KPNA1: variants seen among roughly 807,000 people sequenced by gnomAD.
KPNA1 encodes importin subunit alpha-5.
Under a neutral mutation model 70.5 loss-of-function variants are expected in KPNA1, and 10 were observed. The ratio of observed to expected loss-of-function variants is 0.14; its 90% CI spans 0.09 to 0.24. The LOEUF is 0.24. KPNA1 is among the 10% of genes least tolerant of loss of function. The pLI, the probability that KPNA1 is intolerant of heterozygous loss-of-function variation, is 1.00. For missense variants in KPNA1, 397 were observed against 637.9 expected, an observed-to-expected ratio of 0.62 and a Z score of 4.07; for synonymous variants, 192 against 221.9, an observed-to-expected ratio of 0.87 and a Z score of 1.20.
At chr3:122,507,558 T>G (rs1054300965) in intron 1 of KPNA1, among the ~76,000 whole-genome samples, 3 of 152,012 alleles carry the variant, frequency 2.0e-5, no homozygotes, top group African/African-American at 7.2e-5. Context: ...AGAAAAAAAC[T>G]TTCAAAAAGT....
At chr3:122,431,315 A>AC (rs1446148508) in intron 12 of KPNA1, among the ~76,000 whole-genome samples, 1 of 144,608 alleles carries the variant, frequency 6.9e-6, no homozygotes, top group Admixed American at 7.1e-5. Flanking sequence ...ACAGGAGAAC[A>AC]CCAACACGCC....
rs2107710785 is a variant in KPNA1, at chr3:122,425,139, C to T, written c.*1846G>A. ...CCCAGAGCACAGACACTACTACAGA[C>T]TAGATGCGAAGAATGCGTCACACTC... On this transcript the variant is annotated 3_prime_UTR_variant, in exon 14 of 14. Transcript: ENST00000344337. 6.5e-6 allele frequency: 1 copy of T among 152,686 alleles called. No homozygotes were observed. The highest frequency in any genetic ancestry group is 1.9e-4 in the East Asian group (1 of 5,192). The allele number at this position is 152,686 out of a possible 1,614,324, so 9.5% of individuals were successfully genotyped here. A position where few individuals can be genotyped will look rare whatever the true frequency, so the allele number is the denominator to read the frequency against.
At chr3:122,484,476 A>G (rs1339401056) in intron 2 of KPNA1, among the ~76,000 whole-genome samples, 1 of 151,990 alleles carries the variant, frequency 6.6e-6, no homozygotes, top group African/African-American at 2.4e-5. Context: ...GTGAAACCTC[A>G]TCTCTACTAA....
intron 1 of KPNA1, among the ~76,000 whole-genome samples, chr3:122,500,510 C>A (rs2076815546): frequency 6.7e-6 from 1 of 148,878 alleles, no homozygotes; most frequent in Admixed American, 6.7e-5. Flanking sequence ...TTTTTTTTTT[C>A]CCCCAGATAC....
intron 10 of KPNA1, 131 bp from the exon 11 acceptor site, chr3:122,437,426 T>C (rs1175198289): frequency 1.7e-6 from 1 of 599,182 alleles, no homozygotes; most frequent in Admixed American, 3.4e-5. Flanking sequence ...TTTATACAGG[T>C]AAAAAAAAGT....
At chr3:122,500,915 CTCTTT>C (rs2076821604) in intron 1 of KPNA1, among the ~76,000 whole-genome samples, 2 of 151,682 alleles carry the variant, frequency 1.3e-5, no homozygotes, top group South Asian at 4.2e-4. Flanking sequence ...TTTCACTCTA[CTCTTT>C]ATTTGCTTCC....
chr3:122,434,685 G>A (rs1256389954), intron 11 of KPNA1, among the ~76,000 whole-genome samples: 2 of 152,172 alleles, frequency 1.3e-5, no homozygotes, highest in Admixed American at 1.3e-4. Context: ...ACCAAAATAA[G>A]ACTTATAGTT....
At chr3:122,451,868 A>T (rs2076206078) in intron 7 of KPNA1, 108 bp downstream of exon 7, 1 of 780,476 alleles carries the variant, frequency 1.3e-6, no homozygotes, top group African/African-American at 1.8e-5. Context: ...ATTAAAAATA[A>T]CACTAGAAAA....
rs1385536626 is a variant in KPNA1, at chr3:122,433,778, T to A, written c.1133A>T (p.Asp378Val). The change falls in exon 12 of 14, where the codon GAT becomes GTT. Residue 378 changes from aspartate (D) to valine (V), a missense_variant. Physicochemically the swap from Asp to Val is radical, Grantham distance 152 (BLOSUM62 -3). Coordinates refer to ENST00000344337, the MANE Select transcript of KPNA1 (RefSeq NM_002264.4). ...GNRAQIQTVI[D>V]ANIFPALISI... ...AATGAGGGCTGGGAAAATGTTGGCA[T>A]CTATCACAGTCTAAAATTAAAGAAA... The A allele has an allele frequency of 1.9e-6, 3 of 1,591,954 alleles. No individual in the cohort carries two copies. Among genetic ancestry groups the A allele is most frequent in the African/African-American group, 2.7e-5 (2 of 73,340 alleles).
Position 122,426,723 on chromosome 3 carries a change from C to A in KPNA1, c.*262G>T. On this transcript the variant is annotated 3_prime_UTR_variant, in exon 14 of 14. Coordinates refer to ENST00000344337, the MANE Select transcript of KPNA1 (RefSeq NM_002264.4). ...TATTCCCATAACTCTAATGTAAGTGCGGATCTCCAAAGCCTAGGGATTTTT... is the reference window on the plus strand; with the variant it reads ...TATTCCCATAACTCTAATGTAAGTGAGGATCTCCAAAGCCTAGGGATTTTT... 2.8e-6 allele frequency: 1 copy of A among 362,452 alleles called. No individual in the cohort carries two copies. Among genetic ancestry groups the A allele is most frequent in the Non-Finnish European group, 5.0e-6 (1 of 200,994 alleles). The allele number at this position is 362,452 out of a possible 1,614,324, so 22.5% of individuals were successfully genotyped here. A position where few individuals can be genotyped will look rare whatever the true frequency, so the allele number is the denominator to read the frequency against.
At chr3:122,514,375 C>CCCGCCCG (rs2076992208) in intron 1 of KPNA1, 1 of 151,092 alleles carries the variant, frequency 6.6e-6, no homozygotes, top group Non-Finnish European at 1.5e-5. Flanking sequence ...ACCCCCGCCT[C>CCCGCCCG]CCGCCCGCCG....
At chr3:122,495,018 G>A (rs1409973563) in intron 2 of KPNA1, among the ~76,000 whole-genome samples, 1 of 152,078 alleles carries the variant, frequency 6.6e-6, no homozygotes, top group Non-Finnish European at 1.5e-5. Context: ...TTGGGAGGCT[G>A]AGGCAGGCAG....
intron 2 of KPNA1, among the ~76,000 whole-genome samples, chr3:122,478,092 T>TTGGA (rs1383728940): frequency 3.5e-5 from 5 of 144,784 alleles, no homozygotes; most frequent in Admixed American, 3.5e-4. Flanking sequence ...AACCAGGGAG[T>TTGGA]TGGAGGTTGC....
chr3:122,440,436 G>A (rs953072347), intron 10 of KPNA1, among the ~76,000 whole-genome samples: 2 of 152,180 alleles, frequency 1.3e-5, no homozygotes, highest in African/African-American at 4.8e-5. Flanking sequence ...AAAACTCTGA[G>A]CTGAGAGTGG....
intron 1 of KPNA1, among the ~76,000 whole-genome samples, chr3:122,512,881 G>T (rs2076970400): frequency 6.6e-6 from 1 of 152,102 alleles, no homozygotes; most frequent in African/African-American, 2.4e-5. Context: ...CATTTGAACT[G>T]CCTTTACTAT....
chr3:122,436,608 T>C (rs1016287800), intron 11 of KPNA1, among the ~76,000 whole-genome samples: 2 of 152,068 alleles, frequency 1.3e-5, no homozygotes, highest in African/African-American at 4.8e-5. Flanking sequence ...CTGATAACTA[T>C]TTCTTGGGTC....
At chr3:122,491,401 AT>A (rs2076696279) in intron 2 of KPNA1, among the ~76,000 whole-genome samples, 1 of 152,244 alleles carries the variant, frequency 6.6e-6, no homozygotes, top group African/African-American at 2.4e-5. Flanking sequence ...AACAGAAAAT[AT>A]TTTTAAAATG....
Position 122,436,250 on chromosome 3 carries a change from G to C in KPNA1, c.1122+920C>G, listed in dbSNP as rs370025863. Among the ~76,000 whole-genome samples, 11 of 152,316 alleles carry C rather than the reference G, an allele frequency of 7.2e-5. No individual in the cohort carries two copies. The East Asian group carries it at 9.6e-4, about 13-fold the overall frequency. ...GACTGGTTGTCTGTTCTCAAACCCT[G>C]TCTCCTGATAAGATGTTATCGATGA... On this transcript the variant is annotated intron_variant, in intron 11 of 13. Coordinates refer to ENST00000344337, the MANE Select transcript of KPNA1 (RefSeq NM_002264.4).
rs2076209057 is a variant in KPNA1, at chr3:122,452,188, G to A, written c.565-124C>T. On this transcript the variant is annotated intron_variant, in intron 6 of 13. Coordinates refer to ENST00000344337, the MANE Select transcript of KPNA1 (RefSeq NM_002264.4). ...CAAATGAAACAGTTGTAGGATTGGG[G>A]GAGGAAGATAAATAATATCCTAAAG... 7.0e-5 allele frequency: 52 copies of A among 745,524 alleles called. No individual in the cohort carries two copies. The South Asian group carries it at 7.3e-4, about 11-fold the overall frequency. The allele number at this position is 745,524 out of a possible 1,614,324, so 46.2% of individuals were successfully genotyped here.
Sources: allele counts gnomAD v4.1 joint callset (sites outside exome capture counted in the v4.1 genomes callset), GRCh38; gene constraint gnomAD v4.1.1; transcripts MANE v1.5; gene names NCBI Gene and HGNC (gene_info 2026-07-23, HGNC 2026-07-21).